The following PECR variants were observed in gnomAD, a reference collection of about 807,000 sequenced individuals.
PECR encodes the protein 2,4-dienoyl-CoA reductase-related protein.
Under a neutral mutation model 35.3 loss-of-function variants are expected in PECR, and 30 were observed. The ratio of observed to expected loss-of-function variants is 0.85; its 90% confidence interval spans 0.64 to 1.15. The LOEUF (loss-of-function observed/expected upper bound fraction) is 1.15, where lower values mean the gene tolerates loss of function less well. Ranked by LOEUF, PECR falls within the 50% of genes most tolerant of loss-of-function variation. The probability of loss-of-function intolerance (pLI) is 0.00; values close to 1 mark genes in which losing one functional copy is unlikely to be tolerated. For missense variants in PECR, 392 were observed against 370.8 expected, an observed-to-expected ratio of 1.06 and a Z score of -0.47; for synonymous variants, 148 against 138.9, an observed-to-expected ratio of 1.07 and a Z score of -0.46.
downstream of PECR, among the ~76,000 whole-genome samples, chr2:216,035,231 G>T (rs1043120858): frequency 6.6e-6 from 1 of 152,182 alleles, no homozygotes; most frequent in Non-Finnish European, 1.5e-5. Context: ...TTTGCTTCCT[G>T]ACCCGTGCAG....
chr2:216,078,557 C>T (rs987089376), intron 1 of PECR, among the ~76,000 whole-genome samples: 3 of 146,880 alleles, frequency 2.0e-5, no homozygotes, highest in African/African-American at 7.6e-5. Context: ...CACTGTACTC[C>T]AGCCTGGGCG....
intron 1 of PECR, among the ~76,000 whole-genome samples, chr2:216,077,175 G>C (rs1695721760): frequency 6.6e-6 from 1 of 151,666 alleles, no homozygotes; most frequent in Non-Finnish European, 1.5e-5. Flanking sequence ...TGGGATTACA[G>C]GCATGAGCCA....
chr2:216,041,663 T>TCAC (rs1357957092), intron 7 of PECR, among the ~76,000 whole-genome samples: 2 of 152,292 alleles, frequency 1.3e-5, no homozygotes, highest in African/African-American at 2.4e-5. Context: ...TAGGGGCTGG[T>TCAC]CACCAGACAG....
intron 7 of PECR, among the ~76,000 whole-genome samples, chr2:216,031,437 GAAAGAA>G: frequency 8.0e-6 from 1 of 124,950 alleles, no homozygotes. Flanking sequence ...AGAAAAGAAA[GAAAGAA>G]AAAGAAAGAA....
chr2:216,042,478 T>G (rs1422148556), intron 7 of PECR, among the ~76,000 whole-genome samples: 1 of 152,210 alleles, frequency 6.6e-6, no homozygotes, highest in Non-Finnish European at 1.5e-5. Flanking sequence ...CAACCATCTA[T>G]TAATTTGCTA....
chr2:216,049,453 T>C (rs1463580391), intron 5 of PECR, 80 bp from the exon 6 acceptor site: 8 of 679,908 alleles, frequency 1.2e-5, no homozygotes, highest in Non-Finnish European at 2.1e-5. Context: ...GATACTCTAC[T>C]GGCATTTCAA....
intron 1 of PECR, among the ~76,000 whole-genome samples, chr2:216,070,646 G>C (rs188864403): frequency 1.4e-4 from 22 of 152,310 alleles, no homozygotes; most frequent in African/African-American, 4.8e-4. Context: ...AAAGGAAGGG[G>C]CCAGGGGAAG....
intron 1 of PECR, among the ~76,000 whole-genome samples, chr2:216,067,905 G>A (rs1259537906): frequency 6.6e-6 from 1 of 152,058 alleles, no homozygotes; most frequent in Non-Finnish European, 1.5e-5. Flanking sequence ...GAAAATAGCA[G>A]CACATAATTA....
chr2:216,070,156 A>C (rs566847868), intron 1 of PECR, among the ~76,000 whole-genome samples: 3 of 152,222 alleles, frequency 2.0e-5, no homozygotes, highest in Non-Finnish European at 4.4e-5. Context: ...TTAATTTTCA[A>C]TACTGAGGTT....
intron 1 of PECR, among the ~76,000 whole-genome samples, chr2:216,072,242 ATTTG>A (rs921798943): frequency 3.9e-5 from 6 of 152,148 alleles, no homozygotes; most frequent in Admixed American, 1.3e-4. Flanking sequence ...TAATTGCTCT[ATTTG>A]TTAGGCTAAC....
At chr2:216,062,217 T>G (rs1380957512) in intron 3 of PECR, among the ~76,000 whole-genome samples, 1 of 152,070 alleles carries the variant, frequency 6.6e-6, no homozygotes, top group Non-Finnish European at 1.5e-5. Flanking sequence ...GGCTAATGTT[T>G]GTATTTTTAG....
At chr2:216,056,526 G>T (rs1245308731) in intron 4 of PECR, among the ~76,000 whole-genome samples, 1 of 151,892 alleles carries the variant, frequency 6.6e-6, no homozygotes, top group Admixed American at 6.6e-5. Flanking sequence ...TTCGAGACCA[G>T]CCTGACCAAC....
At chr2:216,066,264 T>C in intron 2 of PECR, 121 bp downstream of exon 2, 1 of 851,296 alleles carries the variant, frequency 1.2e-6, no homozygotes, top group Non-Finnish European at 2.0e-6. Flanking sequence ...TCACAGCCTC[T>C]GCTTCTAGTG....
At chr2:216,053,878 A>T (rs971287487) in intron 4 of PECR, among the ~76,000 whole-genome samples, 1 of 152,138 alleles carries the variant, frequency 6.6e-6, no homozygotes, top group African/African-American at 2.4e-5. Context: ...AAAAATATAT[A>T]TTTTTTTAAT....
At chr2:216,065,236 G>T in intron 3 of PECR, 76 bp downstream of exon 3, 1 of 944,766 alleles carries the variant, frequency 1.1e-6, no homozygotes, top group South Asian at 1.3e-5. Context: ...ATGACATGGG[G>T]CTTCTGAGTC....
At chr2:216,058,170 C>T (rs1695264997) in intron 4 of PECR, among the ~76,000 whole-genome samples, 1 of 152,182 alleles carries the variant, frequency 6.6e-6, no homozygotes, top group South Asian at 2.1e-4. Context: ...GTTTCTCTTG[C>T]AGCAGATCTG....
At chr2:216,043,219 T>C (rs760520733) in intron 7 of PECR, among the ~76,000 whole-genome samples, 3 of 151,864 alleles carry the variant, frequency 2.0e-5, no homozygotes, top group African/African-American at 2.4e-5. Flanking sequence ...ACCATTCTCC[T>C]GCCTCAGCCT....
At chr2:216,035,840 A>G (rs1339681592), downstream of PECR, among the ~76,000 whole-genome samples, 4 of 152,016 alleles carry the variant, frequency 2.6e-5, no homozygotes, top group Non-Finnish European at 5.9e-5. Flanking sequence ...GCTACTCCTG[A>G]TATCTGCTAT....
intron 5 of PECR, among the ~76,000 whole-genome samples, 155 bp downstream of exon 5, chr2:216,051,281 CAAAAAAAAAAAAA>C (rs147574036): frequency 1.1e-5 from 1 of 93,168 alleles, no homozygotes; most frequent in Admixed American, 1.3e-4. Context: ...GACTCCATCT[CAAAAAAAAAAAAA>C]AAAAAAAAAG....
Sources: gnomAD v4.1 joint callset for allele counts (sites outside exome capture counted in the v4.1 genomes callset) on GRCh38, gnomAD v4.1.1 for gene constraint, MANE v1.5 for transcripts, NCBI Gene and HGNC (gene_info 2026-07-23, HGNC 2026-07-21) for gene names.